IQCH: variants seen among roughly 807,000 people sequenced by gnomAD.
IQCH encodes IQ domain-containing protein H.
IQCH carries 98 observed loss-of-function variants against 117.0 expected under a neutral mutation model. The ratio of observed to expected loss-of-function variants is 0.84; its 90% CI spans 0.71 to 0.99. The LOEUF is 0.99. IQCH is among the 50% of genes least tolerant of loss of function. The probability of loss-of-function intolerance (pLI) is 0.00; values close to 1 mark genes in which losing one functional copy is unlikely to be tolerated. For synonymous variants in IQCH, 412 were observed against 448.2 expected, an observed-to-expected ratio of 0.92 and a Z score of 1.02; for missense variants, 1,102 against 1,243.8, an observed-to-expected ratio of 0.89 and a Z score of 1.72.
chr15:67,338,285 T>A (rs1026443816), intron 5 of IQCH, among the ~76,000 whole-genome samples: 18 of 151,458 alleles, frequency 1.2e-4, no homozygotes, highest in African/African-American at 3.6e-4. Context: ...AATAAAAAAA[T>A]GCCACAAAAT....
intron 6 of IQCH, among the ~76,000 whole-genome samples, chr15:67,345,280 C>T (rs759094988): frequency 4.6e-5 from 7 of 152,236 alleles, no homozygotes; most frequent in Admixed American, 1.3e-4. Flanking sequence ...CATGAGCCAG[C>T]GCGCCCAGCC....
rs541519981 is a variant in IQCH at position 67,403,003 on chromosome 15, T to A, written c.2097+2698T>A. The stretch of plus-strand genomic sequence containing the variant: ...TGGCTCATGCCTGTAATCCTAGCAC[T>A]CTGGGAGGCCAAGGCGGGTGAATCA... On this transcript the variant is annotated intron_variant, in intron 14 of 20. Coordinates refer to ENST00000335894, the MANE Select transcript of IQCH (RefSeq NM_001031715.3). This position sits in a 1 kb window ranked among gnomAD's most constrained non-coding sequence, Gnocchi z 4.8. Among the ~76,000 whole-genome samples, 1 of 152,310 alleles carries A rather than the reference T, an allele frequency of 6.6e-6. No homozygotes were observed. The highest frequency in any genetic ancestry group is 1.9e-4 in the East Asian group (1 of 5,182).
At chr15:67,382,752 A>T (rs562830631) in intron 10 of IQCH, among the ~76,000 whole-genome samples, 157 of 152,320 alleles carry the variant, frequency 1.0e-3, no homozygotes, top group African/African-American at 3.4e-3. Flanking sequence ...ATTGAGGTTG[A>T]TAGTCTCTCA....
At chr15:67,295,369 T>C (rs895448428) in intron 4 of IQCH, among the ~76,000 whole-genome samples, 2 of 152,208 alleles carry the variant, frequency 1.3e-5, no homozygotes, top group Admixed American at 1.3e-4. Context: ...AAGTACTGGC[T>C]AATGAAATGT....
At chr15:67,325,606 T>C (rs1177988960) in intron 4 of IQCH, among the ~76,000 whole-genome samples, 2 of 152,114 alleles carry the variant, frequency 1.3e-5, no homozygotes, top group African/African-American at 4.8e-5. Context: ...TGCAAGTACA[T>C]TATACTTACG....
At position 67,393,571 on chromosome 15, in the gene IQCH, A is replaced by G. The variant is rs1242777769; in HGVS notation, c.1633-1720A>G. On this transcript the variant is annotated intron_variant, in intron 12 of 20. Transcript: ENST00000335894. The surrounding 1 kb of genome is among the most constrained non-coding windows in gnomAD (Gnocchi z 5.5). ...GGTCTTATTGTGTCACCCAGGCTGG[A>G]GTGCAGTGGCATGATCTCGGTTCAC... is the stretch of plus-strand genomic sequence containing the variant. 6.6e-6 allele frequency among the ~76,000 whole-genome samples: 1 copy of G among 151,988 alleles called. No individual in the cohort carries two copies. The highest frequency in any genetic ancestry group is 1.5e-5 in the Non-Finnish European group (1 of 67,986).
rs1456471318 is a variant in IQCH, at chr15:67,425,421, G to A, written c.2505+3844G>A. Among the ~76,000 whole-genome samples the A allele has an allele frequency of 2.0e-5, 3 of 152,094 alleles. No individual in the cohort carries two copies. The highest frequency in any genetic ancestry group is 7.2e-5 in the African/African-American group (3 of 41,400). ...GAGGTCAGGAGTTCAAGACCAGCTT[G>A]GCCAATATGGTGAAACCCCATCTCT... On this transcript the variant is annotated intron_variant, in intron 16 of 20. Coordinates refer to ENST00000335894, the MANE Select transcript of IQCH (RefSeq NM_001031715.3). This position sits in a 1 kb window ranked among gnomAD's most constrained non-coding sequence, Gnocchi z 5.5.
chr15:67,375,975 C>T (rs1302844738), intron 10 of IQCH, among the ~76,000 whole-genome samples: 10 of 151,952 alleles, frequency 6.6e-5, no homozygotes, highest in Admixed American at 5.9e-4. Flanking sequence ...TCAGTAGAGA[C>T]GGGGTTTCAC....
chr15:67,344,282 C>G, intron 6 of IQCH, 91 bp downstream of exon 6: 2 of 1,117,208 alleles, frequency 1.8e-6, no homozygotes, highest in African/African-American at 1.6e-5. Flanking sequence ...CTTTTGTCCT[C>G]AATAATAGGA....
chr15:67,310,506 T>G lies in IQCH; in HGVS notation c.388-26469T>G, dbSNP rs568014794. Among the ~76,000 whole-genome samples the G allele has an allele frequency of 3.9e-4, 60 of 152,272 alleles. 1 individual carries two copies. In the South Asian group the frequency reaches 9.7e-3, roughly 25 times the overall value. ...AGCAGTGCCTGACTCCTCGTAATCA[T>G]TCAAGAAACATTAATTGGTATTAGT... On this transcript the variant is annotated intron_variant, in intron 4 of 20. Coordinates refer to ENST00000335894, the MANE Select transcript of IQCH (RefSeq NM_001031715.3).
chr15:67,269,474 T>A (rs778455044), intron 3 of IQCH, among the ~76,000 whole-genome samples: 2 of 152,220 alleles, frequency 1.3e-5, no homozygotes, highest in African/African-American at 2.4e-5. Flanking sequence ...AAATACTTAT[T>A]TTTTCTTTAA....
At chr15:67,487,205 C>T (rs1054612792) in intron 18 of IQCH, among the ~76,000 whole-genome samples, 1 of 152,106 alleles carries the variant, frequency 6.6e-6, no homozygotes, top group Non-Finnish European at 1.5e-5. Context: ...TGGTGCCATG[C>T]GCCTGTAGTC....
At chr15:67,470,842 A>G (rs1056227084) in intron 17 of IQCH, among the ~76,000 whole-genome samples, 1 of 152,182 alleles carries the variant, frequency 6.6e-6, no homozygotes, top group Non-Finnish European at 1.5e-5. Flanking sequence ...TTCTGTGTCT[A>G]TATATCCTTT....
At chr15:67,278,023 T>C (rs867210722) in intron 3 of IQCH, among the ~76,000 whole-genome samples, 10 of 152,278 alleles carry the variant, frequency 6.6e-5, no homozygotes, top group African/African-American at 2.4e-4. Context: ...TAGGTGTCAG[T>C]CTTTTGGTGG....
Position 67,465,226 on chromosome 15 carries a change from AC to A in IQCH, c.2608del (p.Leu870TrpfsTer17), listed in dbSNP as rs1323441119. 6 of 1,613,928 alleles carry A rather than the reference AC, an allele frequency of 3.7e-6. No homozygotes were observed. In the Admixed American group the frequency reaches 6.7e-5, roughly 18 times the overall value. ...TNGHLDCSLSTLEVPRFVPKE... is the reference protein window; with the variant it reads ...TNGHLDCSLSXLEVPRFVPKE... ...CGGCCATCTGGATTGCAGTTTGAGC[AC>A]CCTGGAAGTGCCCCGCTTTGTTCCA... is the stretch of plus-strand genomic sequence containing the variant. On this transcript the variant is annotated frameshift_variant, in exon 17 of 21. Coordinates refer to ENST00000335894, the MANE Select transcript of IQCH (RefSeq NM_001031715.3). LOFTEE classifies it high-confidence loss of function. This position sits in a 1 kb window ranked among gnomAD's most constrained non-coding sequence, Gnocchi z 5.9.
In IQCH at chr15:67,384,186, T is replaced by G. The variant is rs1362907478; in HGVS notation, c.1373-750T>G. ...TCATATAAGCAGTTATACCTGCTTG[T>G]GAGTATGCATGCTTTTTAAGTTTAT... is the stretch of plus-strand genomic sequence containing the variant. On this transcript the variant is annotated intron_variant, in intron 10 of 20. Coordinates refer to ENST00000335894, the MANE Select transcript of IQCH (RefSeq NM_001031715.3). The surrounding 1 kb of genome is among the most constrained non-coding windows in gnomAD (Gnocchi z 4.3). Among the ~76,000 whole-genome samples, 1 of 152,146 alleles carries G rather than the reference T, an allele frequency of 6.6e-6. No individual in the cohort carries two copies. The highest frequency in any genetic ancestry group is 1.5e-5 in the Non-Finnish European group (1 of 68,016).
chr15:67,390,193 C>T lies in IQCH; in HGVS notation c.1632+1187C>T, dbSNP rs367747114. On this transcript the variant is annotated intron_variant, in intron 12 of 20. Coordinates refer to ENST00000335894, the MANE Select transcript of IQCH (RefSeq NM_001031715.3). The surrounding 1 kb of genome is among the most constrained non-coding windows in gnomAD (Gnocchi z 5.0). ...ACATTCTTGGGAACCTTCCAATATC[C>T]TCCACCAATGTAAGAATTTCTTTGG... Among the ~76,000 whole-genome samples the T allele has an allele frequency of 1.1e-3, 170 of 152,240 alleles. 2 individuals are homozygous for T. Among genetic ancestry groups the T allele is most frequent in the African/African-American group, 4.0e-3 (166 of 41,540 alleles).
chr15:67,307,302 C>A, intron 4 of IQCH: 1 of 375,004 alleles, frequency 2.7e-6, no homozygotes, highest in Non-Finnish European at 3.7e-6. Flanking sequence ...ATATGTTATG[C>A]AGTGTTTTCC....
At chr15:67,268,947 T>TAAC (rs5813433) in intron 3 of IQCH, among the ~76,000 whole-genome samples, 101,567 of 150,820 alleles carry the variant, frequency 0.67, 34,722 homozygotes, top group Middle Eastern at 0.82. Context: ...AAATAAAACA[T>TAAC]AACAAACTGG....
Sources: gnomAD v4.1 joint callset for allele counts (sites outside exome capture counted in the v4.1 genomes callset) on GRCh38, gnomAD v4.1.1 for gene constraint, Gnocchi (gnomAD v3.1) non-coding constraint, MANE v1.5 for transcripts, NCBI Gene and HGNC (gene_info 2026-07-23, HGNC 2026-07-21) for gene names.